Variants in RTP2 observed in about 807,000 individuals in gnomAD.
RTP2 encodes the protein receptor transporter protein 2, also known as receptor-transporting protein 2.
A neutral mutation model predicts 17.9 loss-of-function variants in RTP2; 12 were observed. The observed-to-expected ratio is 0.67, with a 90% CI of 0.43 to 1.09. The LOEUF (loss-of-function observed/expected upper bound fraction) is 1.09, where lower values mean the gene tolerates loss of function less well. RTP2 is among the 50% of genes least tolerant of loss of function. The pLI is 0.00. For synonymous variants in RTP2, 126 were observed against 117.7 expected, an observed-to-expected ratio of 1.07 and a Z score of -0.46; for missense variants, 327 against 295.7, an observed-to-expected ratio of 1.11 and a Z score of -0.78.
At chr3:187,699,407 T>G (rs1442904369) in intron 1 of RTP2, among the ~76,000 whole-genome samples, 1 of 152,172 alleles carries the variant, frequency 6.6e-6, no homozygotes, top group East Asian at 1.9e-4. Context: ...GTCCTTCCTC[T>G]GTGACCTCCT....
chr3:187,709,054 C>A, the RTP2 span, among the ~76,000 whole-genome samples: 1 of 147,770 alleles, frequency 6.8e-6, no homozygotes, highest in African/African-American at 2.5e-5. Context: ...TCAAAAGATA[C>A]AAAAATATAT....
At chr3:187,701,052 T>G (rs1482547731) in intron 1 of RTP2, among the ~76,000 whole-genome samples, 2 of 152,192 alleles carry the variant, frequency 1.3e-5, no homozygotes, top group Non-Finnish European at 2.9e-5. Flanking sequence ...CCAGCCTTTG[T>G]GTCCATGTTC....
chr3:187,713,117 G>T, the RTP2 span, among the ~76,000 whole-genome samples: 1 of 152,174 alleles, frequency 6.6e-6, no homozygotes, highest in Non-Finnish European at 1.5e-5. Context: ...CCTCAGCACT[G>T]AAGGGGAGCA....
At chr3:187,701,431 A>G (rs1717843518) in intron 1 of RTP2, among the ~76,000 whole-genome samples, 1 of 152,240 alleles carries the variant, frequency 6.6e-6, no homozygotes, top group African/African-American at 2.4e-5. Context: ...TTGTAAATAT[A>G]AAAACTGAGA....
At chr3:187,710,857 A>G in the RTP2 span, among the ~76,000 whole-genome samples, 7 of 152,176 alleles carry the variant, frequency 4.6e-5, no homozygotes, top group Non-Finnish European at 8.8e-5. Context: ...AAAGCTCTTT[A>G]TGGGGAGTCA....
exon 1 of RTP2, chr3:187,702,017 T>C: frequency 6.2e-7 from 1 of 1,612,620 alleles, no homozygotes; most frequent in Non-Finnish European, 8.5e-7. Context: ...GCCAGCTCAC[T>C]GGGCTTGAGG....
At chr3:187,710,820 G>A in the RTP2 span, among the ~76,000 whole-genome samples, 113,653 of 151,998 alleles carry the variant, frequency 0.75, 44,937 homozygotes, top group South Asian at 0.92. Context: ...ATTCTCTGGC[G>A]ATGTCAAGGG....
upstream of RTP2, among the ~76,000 whole-genome samples, chr3:187,705,569 C>T (rs1717971757): frequency 6.6e-6 from 1 of 152,162 alleles, no homozygotes; most frequent in African/African-American, 2.4e-5. Flanking sequence ...GACACCAATT[C>T]ACATAAGGAA....
At chr3:187,710,402 A>G in the RTP2 span, among the ~76,000 whole-genome samples, 1 of 142,050 alleles carries the variant, frequency 7.0e-6, no homozygotes, top group Non-Finnish European at 1.5e-5. Flanking sequence ...TATATATATC[A>G]TATATTATAT....
At chr3:187,708,969 C>T in the RTP2 span, among the ~76,000 whole-genome samples, 29 of 142,342 alleles carry the variant, frequency 2.0e-4, no homozygotes, top group Admixed American at 3.5e-4. Flanking sequence ...TTTTTTTTTC[C>T]TTTTTTTTTT....
At chr3:187,705,348 A>G (rs1427057879), upstream of RTP2, among the ~76,000 whole-genome samples, 2 of 152,154 alleles carry the variant, frequency 1.3e-5, no homozygotes, top group African/African-American at 4.8e-5. Flanking sequence ...ACACACACAA[A>G]AATAGCCATG....
upstream of RTP2, among the ~76,000 whole-genome samples, chr3:187,704,676 T>C (rs1187958883): frequency 2.0e-5 from 3 of 152,316 alleles, no homozygotes; most frequent in East Asian, 5.8e-4. Context: ...GTCTCCGCAA[T>C]TCAAAGAACC....
chr3:187,707,766 GCT>G, the RTP2 span, among the ~76,000 whole-genome samples: 8 of 152,286 alleles, frequency 5.3e-5, no homozygotes, highest in East Asian at 1.5e-3. Context: ...TAAACGCATT[GCT>G]CTCTCTTCCT....
At chr3:187,707,482 A>C (rs1718021537), upstream of RTP2, among the ~76,000 whole-genome samples, 1 of 152,128 alleles carries the variant, frequency 6.6e-6, no homozygotes, top group Non-Finnish European at 1.5e-5. Context: ...AAAAATGTTA[A>C]AGGGGTGCTT....
chr3:187,703,167 A>G (rs1717896961), upstream of RTP2, among the ~76,000 whole-genome samples: 1 of 152,256 alleles, frequency 6.6e-6, no homozygotes, highest in African/African-American at 2.4e-5. Context: ...TGCCTTGAGC[A>G]TGGAAAAGAC....
Position 187,701,949 on chromosome 3 carries a change from C to T in RTP2, c.164+16G>A, listed in dbSNP as rs939227512. ...CAGGGGCTGTCTGCAAGGTCCCTCC[C>T]CACTGAACCTCTCACCTGCCTGAGG... On this transcript the variant is annotated intron_variant, in intron 1 of 1. Transcript: ENST00000358241. 3.8e-6 allele frequency: 6 copies of T among 1,572,548 alleles called. No homozygotes were observed. The highest frequency in any genetic ancestry group is 1.4e-5 in the African/African-American group (1 of 74,034).
intron 1 of RTP2, among the ~76,000 whole-genome samples, chr3:187,701,528 A>C (rs9848804): frequency 0.17 from 25,626 of 152,114 alleles, 2,776 homozygotes; most frequent in African/African-American, 0.31. Context: ...TGGTCAATAA[A>C]TGTTTATGTA....
At chr3:187,709,355 G>A in the RTP2 span, among the ~76,000 whole-genome samples, 135 of 152,234 alleles carry the variant, frequency 8.9e-4, no homozygotes, top group African/African-American at 3.0e-3. Flanking sequence ...GCACCTCACC[G>A]TGGCTTGCAT....
upstream of RTP2, among the ~76,000 whole-genome samples, chr3:187,703,197 C>T (rs143296086): frequency 2.5e-3 from 383 of 152,320 alleles, 3 homozygotes; most frequent in African/African-American, 8.6e-3. Context: ...GGCTGCTTAC[C>T]CTAGCTTTGG....
Sources: allele counts gnomAD v4.1 joint callset (sites outside exome capture counted in the v4.1 genomes callset), GRCh38; gene constraint gnomAD v4.1.1; transcripts MANE v1.5; gene names NCBI Gene and HGNC (gene_info 2026-07-23, HGNC 2026-07-21).